Variants in COBL observed in about 807,000 individuals in gnomAD.
COBL encodes protein cordon-bleu.
COBL carries 51 observed loss-of-function variants against 98.8 expected under a neutral mutation model. The ratio of observed to expected loss-of-function variants is 0.52; its 90% confidence interval spans 0.41 to 0.65. The LOEUF (loss-of-function observed/expected upper bound fraction) is 0.65, where lower values mean the gene tolerates loss of function less well. Ranked by LOEUF, COBL falls within the 30% of genes least tolerant of loss-of-function variation. The probability of loss-of-function intolerance (pLI) is 0.00; values close to 1 mark genes in which losing one functional copy is unlikely to be tolerated. For missense variants in COBL, 1,617 were observed against 1,617.5 expected (o/e 1.00, Z 0.01); for synonymous variants, 634 against 651.7 (o/e 0.97, Z 0.41).
chr7:51,155,080 G>T (rs1201267402), intron 5 of COBL, among the ~76,000 whole-genome samples: 1 of 152,158 alleles, frequency 6.6e-6, no homozygotes, highest in Non-Finnish European at 1.5e-5. Flanking sequence ...TCACCTGTTT[G>T]CTTCCAATTA....
At chr7:51,054,670 C>A (rs893415516) in intron 7 of COBL, among the ~76,000 whole-genome samples, 1 of 152,186 alleles carries the variant, frequency 6.6e-6, no homozygotes, top group Non-Finnish European at 1.5e-5. Flanking sequence ...CCAGCCCCAG[C>A]CTCCTCAGAA....
At chr7:51,155,135 T>A (rs1785987916) in intron 5 of COBL, among the ~76,000 whole-genome samples, 1 of 152,154 alleles carries the variant, frequency 6.6e-6, no homozygotes, top group African/African-American at 2.4e-5. Flanking sequence ...GTTGTTGAGG[T>A]CAGAAGATAA....
chr7:51,045,568 C>T (rs1350129431), intron 7 of COBL, among the ~76,000 whole-genome samples: 1 of 152,224 alleles, frequency 6.6e-6, no homozygotes, highest in African/African-American at 2.4e-5. Context: ...CCTCTTCCCT[C>T]TCCAGGGATT....
Position 51,028,469 on chromosome 7 carries a change from A to G in COBL, c.2627T>C (p.Ile876Thr). The G allele has an allele frequency of 1.2e-6, 2 of 1,614,238 alleles. No individual in the cohort carries two copies. Among genetic ancestry groups the G allele is most frequent in the South Asian group, 1.1e-5 (1 of 91,088 alleles). Residue 876 changes from isoleucine to threonine, a missense_variant, in exon 10 of 13, where the codon ATA (isoleucine) becomes ACA (threonine). Transcript: ENST00000265136. ...QYVASAIAKR[I>T]GAPKVHADVV... is the part of the protein sequence containing the mutation. ...ATCAGCATGGACTTTTGGGGCTCCTATGCGCTTGGCAATGGCAGAGGCCAC... is the reference window on the plus strand; with the variant it reads ...ATCAGCATGGACTTTTGGGGCTCCTGTGCGCTTGGCAATGGCAGAGGCCAC...
chr7:51,271,645 A>G (rs1798771615), intron 1 of COBL, among the ~76,000 whole-genome samples: 1 of 152,250 alleles, frequency 6.6e-6, no homozygotes, highest in South Asian at 2.1e-4. Context: ...GGAAACTGAA[A>G]AAGACTGAGG....
chr7:51,141,942 T>G (rs1318066381), intron 5 of COBL, among the ~76,000 whole-genome samples: 1 of 152,178 alleles, frequency 6.6e-6, no homozygotes. Context: ...TGTCTTTGTC[T>G]TTGCATTTCC....
chr7:51,142,407 T>G (rs1445630416), intron 5 of COBL, among the ~76,000 whole-genome samples: 22 of 85,104 alleles, frequency 2.6e-4, no homozygotes, highest in Admixed American at 1.8e-3. Flanking sequence ...TTTTTTTTTT[T>G]GAGACAGAAT....
chr7:51,149,763 G>A (rs1052022798), intron 5 of COBL, among the ~76,000 whole-genome samples: 3 of 151,994 alleles, frequency 2.0e-5, no homozygotes, highest in East Asian at 3.9e-4. Flanking sequence ...CCACCACCAC[G>A]CCTGGCTAAT....
chr7:51,055,162 G>T (rs1562850730), intron 7 of COBL, among the ~76,000 whole-genome samples: 1 of 152,274 alleles, frequency 6.6e-6, no homozygotes, highest in Non-Finnish European at 1.5e-5. Flanking sequence ...TTATCTTCCC[G>T]CAAGGGCGGC....
At chr7:51,217,652 A>G (rs919464995) in intron 2 of COBL, among the ~76,000 whole-genome samples, 26 of 152,084 alleles carry the variant, frequency 1.7e-4, no homozygotes, top group African/African-American at 4.8e-4. Context: ...CCACAATGCC[A>G]TTTTCTAAAC....
At chr7:51,236,081 G>A (rs1325721064) in intron 1 of COBL, among the ~76,000 whole-genome samples, 1 of 152,184 alleles carries the variant, frequency 6.6e-6, no homozygotes, top group East Asian at 1.9e-4. Flanking sequence ...GTCCTCCAGT[G>A]GAAGGAAACT....
chr7:51,039,448 C>T (rs1353414323), intron 8 of COBL, among the ~76,000 whole-genome samples: 1 of 152,360 alleles, frequency 6.6e-6, no homozygotes, highest in East Asian at 1.9e-4. Flanking sequence ...CTGAGTTCTG[C>T]TGCCTGGGCA....
chr7:51,186,120 A>G (rs933012164), intron 4 of COBL, among the ~76,000 whole-genome samples: 1 of 152,272 alleles, frequency 6.6e-6, no homozygotes, highest in Non-Finnish European at 1.5e-5. Context: ...AGAGCTATAA[A>G]GAGGAAAACA....
intron 5 of COBL, among the ~76,000 whole-genome samples, chr7:51,151,301 C>T (rs1785532548): frequency 6.6e-6 from 1 of 152,140 alleles, no homozygotes; most frequent in South Asian, 2.1e-4. Context: ...GCTATCCCAC[C>T]CAGTTCTGCT....
chr7:51,140,344 C>CTTACATT (rs1290640688), intron 5 of COBL, among the ~76,000 whole-genome samples: 1 of 152,088 alleles, frequency 6.6e-6, no homozygotes, highest in African/African-American at 2.4e-5. Context: ...CAATTAACTC[C>CTTACATT]TTACATTCAG....
intron 1 of COBL, among the ~76,000 whole-genome samples, chr7:51,279,240 T>C (rs1356700469): frequency 6.6e-6 from 1 of 152,218 alleles, no homozygotes; most frequent in Non-Finnish European, 1.5e-5. Flanking sequence ...ATAAGGGATA[T>C]AATCCCAAAA....
At chr7:51,178,130 G>A (rs916236568) in intron 5 of COBL, among the ~76,000 whole-genome samples, 7 of 151,054 alleles carry the variant, frequency 4.6e-5, no homozygotes, top group Non-Finnish European at 1.0e-4. Context: ...TGGGCAACAA[G>A]AGTGAAACAC....
At chr7:51,217,499 G>A (rs1371581963) in intron 2 of COBL, among the ~76,000 whole-genome samples, 3 of 151,728 alleles carry the variant, frequency 2.0e-5, no homozygotes, top group Non-Finnish European at 2.9e-5. Flanking sequence ...GCGCCACCAC[G>A]CCTGGCTAAT....
chr7:51,123,666 T>C (rs1426392065), intron 6 of COBL, among the ~76,000 whole-genome samples: 1 of 152,234 alleles, frequency 6.6e-6, no homozygotes, highest in Admixed American at 6.5e-5. Flanking sequence ...ACAATTGTTT[T>C]TAAATCTTTG....
Sources: gnomAD v4.1 joint callset for allele counts (sites outside exome capture counted in the v4.1 genomes callset) on GRCh38, gnomAD v4.1.1 for gene constraint, MANE v1.5 for transcripts, NCBI Gene and HGNC (gene_info 2026-07-23, HGNC 2026-07-21) for gene names.